Variants in DCAF8L2 observed in about 807,000 individuals in gnomAD.
DCAF8L2 encodes DDB1- and CUL4-associated factor 8-like protein 2.
For synonymous variants in DCAF8L2, 200 were observed against 190.9 expected, an observed-to-expected ratio of 1.05 and a Z score of -0.39; for missense variants, 430 against 490.7, an observed-to-expected ratio of 0.88 and a Z score of 1.17.
At chrX:27,714,294 G>A (rs984922496) in intron 3 of DCAF8L2, among the ~76,000 whole-genome samples, 8 of 111,435 alleles carry the variant, frequency 7.2e-5, no homozygotes, top group African/African-American at 2.3e-4. Flanking sequence ...CGATAGAGCA[G>A]TCTAAGAAAT....
the DCAF8L2 span, among the ~76,000 whole-genome samples, chrX:27,503,125 C>A: frequency 1.8e-5 from 2 of 111,467 alleles, no homozygotes; most frequent in Admixed American, 9.6e-5. Context: ...TCTGTTCAAG[C>A]CTTTGCTTAT....
At chrX:27,640,080 T>C (rs1002041735) in intron 2 of DCAF8L2, among the ~76,000 whole-genome samples, 2 of 110,738 alleles carry the variant, frequency 1.8e-5, no homozygotes, top group African/African-American at 6.6e-5. Context: ...ATGCTATCCC[T>C]CCCCCCTCCT....
chrX:27,564,056 ACCTGAGACTGG>A, the DCAF8L2 span, among the ~76,000 whole-genome samples: 1 of 111,964 alleles, frequency 8.9e-6, no homozygotes, highest in Non-Finnish European at 1.9e-5. Flanking sequence ...ATAAACATAT[ACCTGAGACTGG>A]GTAATTTATA....
At chrX:27,653,640 C>T (rs1474003569) in intron 2 of DCAF8L2, among the ~76,000 whole-genome samples, 2 of 109,295 alleles carry the variant, frequency 1.8e-5, no homozygotes, top group African/African-American at 6.7e-5. Context: ...AGCCTCAACT[C>T]AATCCAGCTC....
intron 2 of DCAF8L2, among the ~76,000 whole-genome samples, chrX:27,641,135 A>G (rs945899020): frequency 2.1e-4 from 24 of 111,671 alleles, no homozygotes; most frequent in Non-Finnish European, 4.5e-4. Flanking sequence ...GAATATAAGG[A>G]AACATCATTT....
intron 1 of DCAF8L2, among the ~76,000 whole-genome samples, chrX:27,595,455 G>T (rs1465903384): frequency 1.8e-5 from 2 of 111,510 alleles, no homozygotes; most frequent in South Asian, 3.7e-4. Flanking sequence ...TCTCCCCAGA[G>T]ATATCTATGT....
chrX:27,619,165 TA>T (rs1302049523), intron 1 of DCAF8L2, among the ~76,000 whole-genome samples: 2 of 111,428 alleles, frequency 1.8e-5, no homozygotes, highest in Admixed American at 1.9e-4. Flanking sequence ...GTTTTGGTAA[TA>T]AGTCAAGAAA....
Position 27,727,542 on chromosome X carries a change from C to A in DCAF8L2, c.-59+11371C>A, listed in dbSNP as rs573248342. 2.7e-5 allele frequency among the ~76,000 whole-genome samples: 3 copies of A among 111,757 alleles called. No individual in the cohort carries two copies. The South Asian group carries it at 1.1e-3, about 41-fold the overall frequency. Reference sequence around the variant, plus strand: ...TGTTTGTCTCTGTATCAACAGCACACTATCTTAATCATAATTTTGATGCCT... The same window carrying A: ...TGTTTGTCTCTGTATCAACAGCACAATATCTTAATCATAATTTTGATGCCT... On this transcript the variant is annotated intron_variant, in intron 4 of 4. Coordinates refer to ENST00000451261, the MANE Select transcript of DCAF8L2 (RefSeq NM_001353450.2).
At chrX:27,654,321 CA>C (rs1602702434) in intron 2 of DCAF8L2, among the ~76,000 whole-genome samples, 1 of 112,043 alleles carries the variant, frequency 8.9e-6, no homozygotes, top group Non-Finnish European at 1.9e-5. Context: ...GAAACAACAA[CA>C]AAAACCAGAA....
intron 4 of DCAF8L2, among the ~76,000 whole-genome samples, chrX:27,743,150 C>T (rs779187923): frequency 9.1e-5 from 10 of 110,405 alleles, no homozygotes; most frequent in Non-Finnish European, 1.7e-4. Context: ...GGCATAAATA[C>T]GGCTCACTGC....
chrX:27,705,626 T>C (rs1029745449), intron 3 of DCAF8L2, among the ~76,000 whole-genome samples: 2 of 111,800 alleles, frequency 1.8e-5, no homozygotes, highest in Admixed American at 1.9e-4. Context: ...TTTGCCCACT[T>C]TTTAATGGGG....
Position 27,627,632 on chromosome X carries a change from A to G in DCAF8L2, c.-341-4247A>G, listed in dbSNP as rs748581875. Among the ~76,000 whole-genome samples the G allele has an allele frequency of 1.1e-3, 114 of 106,382 alleles. No individual in the cohort carries two copies. In the Admixed American group the frequency reaches 0.012, roughly 11 times the overall value. The allele number at this position is 106,382 out of a possible 115,157, so 92.4% of individuals were successfully genotyped here. On this transcript the variant is annotated intron_variant, in intron 1 of 4. Coordinates refer to ENST00000451261, the MANE Select transcript of DCAF8L2 (RefSeq NM_001353450.2). ...TAATATGGGCCGGGCACAGTGTCTC[A>G]TGCCTGTAATCTCAGCACTTTGGGA...
chrX:27,634,163 C>G (rs4829077), intron 2 of DCAF8L2, among the ~76,000 whole-genome samples: 1 of 111,790 alleles, frequency 8.9e-6, no homozygotes, highest in Admixed American at 9.5e-5. Context: ...TATCTCTTAA[C>G]TGGATTAGAG....
rs1254409419 is a variant in DCAF8L2, at chrX:27,748,248, C to G, written c.1353C>G (p.Ser451=). 4.1e-6 allele frequency: 5 copies of G among 1,211,808 alleles called. No homozygotes were observed. The highest frequency in any genetic ancestry group is 5.6e-6 in the Non-Finnish European group (5 of 895,362). ...YNDDDIYLFN[S]SHSDGAQYSK... ...ATGACGATATTTACCTCTTCAACTC[C>G]TCTCACAGTGATGGTGCTCAATACA... is the stretch of plus-strand genomic sequence containing the variant. Residue 451 remains serine, a synonymous_variant, in exon 5 of 5, where the codon TCC becomes TCG. Transcript: ENST00000451261.
chrX:27,547,891 T>TCTTTC, the DCAF8L2 span, among the ~76,000 whole-genome samples: 47 of 57,178 alleles, frequency 8.2e-4, 3 homozygotes, highest in Non-Finnish European at 1.3e-3. Context: ...CTCTCTCTCT[T>TCTTTC]TCTCTCTCTC....
chrX:27,525,129 G>A, the DCAF8L2 span, among the ~76,000 whole-genome samples: 12 of 111,305 alleles, frequency 1.1e-4, no homozygotes, highest in Non-Finnish European at 1.9e-4. Context: ...TGACAGTGGG[G>A]TGTTAAAGTC....
intron 3 of DCAF8L2, among the ~76,000 whole-genome samples, chrX:27,702,085 G>T (rs1931149014): frequency 9.0e-6 from 1 of 110,926 alleles, no homozygotes; most frequent in Non-Finnish European, 1.9e-5. Flanking sequence ...GTGAATAACT[G>T]CATGCCACAA....
At chrX:27,689,057 G>A (rs1195799460) in intron 3 of DCAF8L2, among the ~76,000 whole-genome samples, 1 of 112,057 alleles carries the variant, frequency 8.9e-6, no homozygotes, top group African/African-American at 3.2e-5. Flanking sequence ...TATGGGAAAA[G>A]TGTTTTGCTA....
At chrX:27,534,033 A>G in the DCAF8L2 span, among the ~76,000 whole-genome samples, 4 of 109,969 alleles carry the variant, frequency 3.6e-5, no homozygotes, top group East Asian at 1.2e-3. Flanking sequence ...ACATGGCAAA[A>G]ACCCTTCTTT....
Sources: allele counts gnomAD v4.1 joint callset (sites outside exome capture counted in the v4.1 genomes callset), GRCh38; gene constraint gnomAD v4.1.1; transcripts MANE v1.5; gene names NCBI Gene and HGNC (gene_info 2026-07-23, HGNC 2026-07-21).